The following SRRM4 variants were observed in gnomAD, a reference collection of about 807,000 sequenced individuals.
SRRM4 encodes serine/arginine repetitive matrix 4.
In SRRM4, 33 loss-of-function variants were observed where a neutral mutation model predicts 68.9. The ratio of observed to expected loss-of-function variants is 0.48; its 90% CI spans 0.36 to 0.64. The LOEUF (loss-of-function observed/expected upper bound fraction) is 0.64, where lower values mean the gene tolerates loss of function less well. Ranked by LOEUF, SRRM4 falls within the 30% of genes least tolerant of loss-of-function variation. SRRM4 has a pLI of 0.00. For synonymous variants in SRRM4, 318 were observed against 318.8 expected, an observed-to-expected ratio of 1.00 and a Z score of 0.03; for missense variants, 817 against 827.1, an observed-to-expected ratio of 0.99 and a Z score of 0.15.
At chr12:119,056,201 C>T (rs1009048498) in intron 1 of SRRM4, among the ~76,000 whole-genome samples, 1 of 152,222 alleles carries the variant, frequency 6.6e-6, no homozygotes, top group African/African-American at 2.4e-5. Flanking sequence ...TTGATAATAG[C>T]TCAGCTTTGT....
intron 1 of SRRM4, among the ~76,000 whole-genome samples, chr12:119,037,813 G>T (rs1247670214): frequency 6.6e-6 from 1 of 152,188 alleles, no homozygotes; most frequent in Non-Finnish European, 1.5e-5. Flanking sequence ...AAATATCGGG[G>T]TTCTCATTCT....
chr12:119,064,293 G>T (rs1789950166), intron 1 of SRRM4, among the ~76,000 whole-genome samples: 1 of 152,126 alleles, frequency 6.6e-6, no homozygotes, highest in Non-Finnish European at 1.5e-5. Flanking sequence ...CTATGTTATT[G>T]GCAAATAAAC....
chr12:119,037,188 T>A (rs567873054), intron 1 of SRRM4, among the ~76,000 whole-genome samples: 31 of 152,022 alleles, frequency 2.0e-4, no homozygotes, highest in Non-Finnish European at 3.5e-4. Context: ...CAAATGGTGA[T>A]GGGGGTTTGG....
At chr12:118,987,904 G>A (rs532415325) in intron 1 of SRRM4, among the ~76,000 whole-genome samples, 10 of 152,236 alleles carry the variant, frequency 6.6e-5, no homozygotes, top group Admixed American at 5.2e-4. Flanking sequence ...TTTAAAATTT[G>A]TTTTCACATA....
intron 1 of SRRM4, among the ~76,000 whole-genome samples, chr12:119,036,465 C>T (rs11069232): frequency 0.13 from 20,156 of 152,170 alleles, 1,414 homozygotes; most frequent in East Asian, 0.26. Context: ...TATCCTGCTG[C>T]TATTTTCCAG....
intron 1 of SRRM4, among the ~76,000 whole-genome samples, chr12:119,085,073 G>T (rs553157037): frequency 6.6e-6 from 1 of 152,032 alleles, no homozygotes; most frequent in Non-Finnish European, 1.5e-5. Flanking sequence ...GCTAATTTTT[G>T]TATTTTTAGT....
At chr12:119,038,217 T>TC (rs1193598738) in intron 1 of SRRM4, among the ~76,000 whole-genome samples, 24 of 151,516 alleles carry the variant, frequency 1.6e-4, no homozygotes, top group Non-Finnish European at 2.9e-4. Flanking sequence ...CTTTTTTTTT[T>TC]TTTTTGAGAC....
intron 1 of SRRM4, among the ~76,000 whole-genome samples, chr12:119,098,490 A>T (rs1407164376): frequency 1.3e-5 from 2 of 152,172 alleles, no homozygotes; most frequent in African/African-American, 4.8e-5. Context: ...TACCACTTTT[A>T]TTGATTCATT....
intron 1 of SRRM4, among the ~76,000 whole-genome samples, chr12:119,079,273 C>T (rs1172186080): frequency 6.6e-6 from 1 of 152,114 alleles, no homozygotes; most frequent in Non-Finnish European, 1.5e-5. Context: ...GAGACTGGAT[C>T]GTGTCTGGCC....
At chr12:119,017,651 A>G (rs538027288) in intron 1 of SRRM4, among the ~76,000 whole-genome samples, 1 of 152,304 alleles carries the variant, frequency 6.6e-6, no homozygotes, top group East Asian at 1.9e-4. Context: ...AAGAGGAATA[A>G]CAAAGAAAGA....
intron 6 of SRRM4, among the ~76,000 whole-genome samples, chr12:119,122,675 A>C (rs146358606): frequency 1.3e-5 from 2 of 152,212 alleles, no homozygotes; most frequent in Non-Finnish European, 2.9e-5. Context: ...GTGAGCATGA[A>C]TGTGAATGGT....
intron 1 of SRRM4, among the ~76,000 whole-genome samples, chr12:118,998,676 A>G (rs1953364805): frequency 1.3e-5 from 2 of 152,288 alleles, no homozygotes; most frequent in African/African-American, 4.8e-5. Flanking sequence ...CCAAGGCTAA[A>G]GAAGCTGGTC....
intron 7 of SRRM4, among the ~76,000 whole-genome samples, chr12:119,127,834 T>C (rs1173042094): frequency 6.6e-6 from 1 of 152,202 alleles, no homozygotes; most frequent in African/African-American, 2.4e-5. Context: ...ACCCAAATCC[T>C]GCTCTGTGTC....
intron 1 of SRRM4, among the ~76,000 whole-genome samples, chr12:119,072,898 G>A (rs950531522): frequency 1.3e-5 from 2 of 152,192 alleles, no homozygotes; most frequent in African/African-American, 4.8e-5. Context: ...TAAGATGTCT[G>A]TCCAAAGGTC....
chr12:119,160,818 G>C lies in SRRM4; in HGVS notation c.*4020G>C, dbSNP rs1406207652. The C allele has an allele frequency of 1.3e-5, 2 of 152,208 alleles. No individual in the cohort carries two copies. The highest frequency in any genetic ancestry group is 4.8e-5 in the African/African-American group (2 of 41,458). 9.4% of individuals were successfully genotyped at this position (152,208 alleles called of 1,614,324 possible). A position where few individuals can be genotyped will look rare whatever the true frequency, so the allele number is the denominator to read the frequency against. On this transcript the variant is annotated 3_prime_UTR_variant, in exon 13 of 13. Coordinates refer to ENST00000267260, the MANE Select transcript of SRRM4 (RefSeq NM_194286.4). Reference sequence around the variant, plus strand: ...TTTTAGGAGGTTGTCCATCATGAAAGTAAAAACGAAAAGCAAGATTTGATC... The same window carrying C: ...TTTTAGGAGGTTGTCCATCATGAAACTAAAAACGAAAAGCAAGATTTGATC...
chr12:119,064,155 G>A (rs1027322865), intron 1 of SRRM4, among the ~76,000 whole-genome samples: 2 of 152,078 alleles, frequency 1.3e-5, no homozygotes, highest in African/African-American at 4.8e-5. Context: ...AGGCTTCCTT[G>A]GCCATTTCAT....
intron 4 of SRRM4, among the ~76,000 whole-genome samples, chr12:119,119,565 G>A (rs1232217063): frequency 6.6e-6 from 1 of 151,986 alleles, no homozygotes; most frequent in Non-Finnish European, 1.5e-5. Context: ...GGGTGATGCT[G>A]TTTGACTCTG....
chr12:119,097,304 G>T (rs938718720), intron 1 of SRRM4, among the ~76,000 whole-genome samples: 1 of 152,202 alleles, frequency 6.6e-6, no homozygotes, highest in African/African-American at 2.4e-5. Flanking sequence ...CCACTGCAGC[G>T]TTGAGTGACC....
intron 1 of SRRM4, among the ~76,000 whole-genome samples, chr12:119,080,614 G>A (rs1160381270): frequency 6.6e-6 from 1 of 152,140 alleles, no homozygotes; most frequent in African/African-American, 2.4e-5. Flanking sequence ...TGTTGCACGT[G>A]GGAAAAACAG....
Sources: gnomAD v4.1 joint callset for allele counts (sites outside exome capture counted in the v4.1 genomes callset) on GRCh38, gnomAD v4.1.1 for gene constraint, MANE v1.5 for transcripts, NCBI Gene and HGNC (gene_info 2026-07-23, HGNC 2026-07-21) for gene names.